PTPRD: variants seen among roughly 807,000 people sequenced by gnomAD.
PTPRD encodes receptor-type tyrosine-protein phosphatase delta.
PTPRD carries 34 observed loss-of-function variants against 214.5 expected under a neutral mutation model. That is an observed-to-expected ratio of 0.16 (90% confidence interval 0.12 to 0.21). The LOEUF (loss-of-function observed/expected upper bound fraction) is 0.21. Among genes scored for constraint, PTPRD ranks in the 10% least tolerant of loss-of-function variants. PTPRD has a pLI of 1.00. For missense variants in PTPRD, 2,545 were observed against 2,398.7 expected (o/e 1.06, Z -1.27); for synonymous variants, 1,128 against 845.7 (o/e 1.33, Z -5.79).
chr9:8,558,775 T>TGACACC (rs1236925988), intron 14 of PTPRD, among the ~76,000 whole-genome samples: 1 of 152,210 alleles, frequency 6.6e-6, no homozygotes, highest in Non-Finnish European at 1.5e-5. Context: ...ACATCCTTTA[T>TGACACC]GACACCTTAT....
In PTPRD at chr9:8,471,024, C is replaced by G. The variant is rs973915971; in HGVS notation, c.3475G>C (p.Glu1159Gln). Residue 1159 changes from glutamate (E) to glutamine (Q), a missense_variant, in exon 31 of 46, where the codon GAG becomes CAG. Coordinates refer to ENST00000381196, the MANE Select transcript of PTPRD (RefSeq NM_002839.4). ...KSRGKFIKPWESPDEMELDEL... is the reference protein window; with the variant it reads ...KSRGKFIKPWQSPDEMELDEL... Reference sequence around the variant, plus strand: ...TCTAATTCCATTTCATCTGGACTCTCCCATGGCTTGATAAATTTCCCGCGA... The same window carrying G: ...TCTAATTCCATTTCATCTGGACTCTGCCATGGCTTGATAAATTTCCCGCGA... 1.1e-5 allele frequency: 17 copies of G among 1,613,230 alleles called. No homozygotes were observed. The highest frequency in any genetic ancestry group is 1.7e-5 in the Admixed American group (1 of 59,956).
chr9:9,488,126 C>T (rs2095736154), intron 8 of PTPRD, among the ~76,000 whole-genome samples: 1 of 152,114 alleles, frequency 6.6e-6, no homozygotes, highest in South Asian at 2.1e-4. Context: ...AATGTAGTAT[C>T]TGTCTGATGT....
intron 4 of PTPRD, among the ~76,000 whole-genome samples, chr9:10,013,119 G>T (rs565800418): frequency 6.6e-6 from 1 of 151,964 alleles, no homozygotes; most frequent in East Asian, 1.9e-4. Flanking sequence ...TTTCTACCAT[G>T]TTATGTTGTG....
intron 3 of PTPRD, among the ~76,000 whole-genome samples, chr9:10,252,126 G>A (rs939440345): frequency 6.6e-6 from 1 of 151,898 alleles, no homozygotes; most frequent in African/African-American, 2.4e-5. Context: ...TGTCAATTAA[G>A]AATAAAAATA....
chr9:8,528,915 G>A (rs1466410496), intron 14 of PTPRD, 136 bp from the exon 15 acceptor site: 1 of 776,568 alleles, frequency 1.3e-6, no homozygotes, highest in South Asian at 1.8e-5. Flanking sequence ...TAATAAATTA[G>A]AACACAGTCA....
rs559967241 is a variant in PTPRD, at chr9:9,664,415, T to C, written c.-287+70118A>G. Among the ~76,000 whole-genome samples the C allele has an allele frequency of 2.5e-3, 386 of 151,794 alleles. 2 individuals are homozygous for C. The highest frequency in any genetic ancestry group is 8.7e-3 in the African/African-American group (362 of 41,522). ...TCTTCTCATACATTAACTACATTTATGAACTATGCTAGAATTCAATGGTCG... is the reference window on the plus strand; with the variant it reads ...TCTTCTCATACATTAACTACATTTACGAACTATGCTAGAATTCAATGGTCG... On this transcript the variant is annotated intron_variant, in intron 7 of 45. Coordinates refer to ENST00000381196, the MANE Select transcript of PTPRD (RefSeq NM_002839.4).
At chr9:10,306,539 A>G (rs1214787558) in intron 3 of PTPRD, among the ~76,000 whole-genome samples, 2 of 152,102 alleles carry the variant, frequency 1.3e-5, no homozygotes, top group Admixed American at 1.3e-4. Context: ...GCGATACAAT[A>G]TATAGAAACT....
intron 3 of PTPRD, among the ~76,000 whole-genome samples, chr9:10,157,634 G>A (rs2099101724): frequency 6.6e-6 from 1 of 152,038 alleles, no homozygotes; most frequent in Admixed American, 6.6e-5. Context: ...TTCTTGTGAA[G>A]TATCTTACTG....
intron 3 of PTPRD, among the ~76,000 whole-genome samples, chr9:10,160,574 A>G (rs1261202112): frequency 3.9e-5 from 6 of 151,950 alleles, no homozygotes; most frequent in African/African-American, 1.4e-4. Context: ...GAAAAAACAT[A>G]CCTCATGAAA....
chr9:9,207,633 G>T (rs914422170), intron 9 of PTPRD, among the ~76,000 whole-genome samples: 4 of 152,176 alleles, frequency 2.6e-5, no homozygotes, highest in Non-Finnish European at 5.9e-5. Context: ...AATTACTACA[G>T]AGGATAATTT....
At chr9:8,546,382 T>A (rs565495070) in intron 14 of PTPRD, among the ~76,000 whole-genome samples, 1 of 152,254 alleles carries the variant, frequency 6.6e-6, no homozygotes, top group African/African-American at 2.4e-5. Flanking sequence ...AAATTAAACA[T>A]GCATATGATG....
intron 5 of PTPRD, among the ~76,000 whole-genome samples, chr9:9,823,466 T>C (rs1003537931): frequency 2.0e-5 from 3 of 152,064 alleles, no homozygotes; most frequent in South Asian, 2.1e-4. Context: ...ATCTCCAGCA[T>C]TGGGGATTAC....
At chr9:8,429,416 A>G (rs1428117919) in intron 35 of PTPRD, among the ~76,000 whole-genome samples, 3 of 152,132 alleles carry the variant, frequency 2.0e-5, no homozygotes, top group Non-Finnish European at 2.9e-5. Context: ...TCTAAATATT[A>G]AAAAACATGA....
At chr9:8,373,787 G>T (rs1448520884) in intron 39 of PTPRD, among the ~76,000 whole-genome samples, 1 of 151,302 alleles carries the variant, frequency 6.6e-6, no homozygotes, top group Admixed American at 6.6e-5. Context: ...TACAGAGGGT[G>T]AAATGCATTT....
At chr9:9,314,537 G>A (rs1569567293) in intron 9 of PTPRD, among the ~76,000 whole-genome samples, 1 of 152,032 alleles carries the variant, frequency 6.6e-6, no homozygotes, top group Non-Finnish European at 1.5e-5. Flanking sequence ...GTTATCAAAT[G>A]AATATAGAGT....
At chr9:10,491,797 G>A (rs2040358683) in intron 2 of PTPRD, among the ~76,000 whole-genome samples, 1 of 151,740 alleles carries the variant, frequency 6.6e-6, no homozygotes, top group African/African-American at 2.4e-5. Flanking sequence ...ATGTGCCATG[G>A]TGGTTTGCTG....
intron 8 of PTPRD, among the ~76,000 whole-genome samples, chr9:9,571,289 A>G (rs555070532): frequency 6.6e-6 from 1 of 151,386 alleles, no homozygotes; most frequent in South Asian, 2.1e-4. Context: ...AAAACAAACA[A>G]AAAAAGATAT....
At chr9:8,966,798 C>G (rs1349919448) in intron 11 of PTPRD, among the ~76,000 whole-genome samples, 1 of 152,004 alleles carries the variant, frequency 6.6e-6, no homozygotes, top group African/African-American at 2.4e-5. Context: ...GCAAAAGAAA[C>G]TATCAACAGA....
chr9:9,722,136 A>G (rs1030341707), intron 7 of PTPRD, among the ~76,000 whole-genome samples: 1 of 152,014 alleles, frequency 6.6e-6, no homozygotes, highest in African/African-American at 2.4e-5. Flanking sequence ...ACAATTCAGC[A>G]GTTTTTTTGT....
Sources: gnomAD v4.1 joint callset for allele counts (sites outside exome capture counted in the v4.1 genomes callset) on GRCh38, gnomAD v4.1.1 for gene constraint, MANE v1.5 for transcripts, NCBI Gene and HGNC (gene_info 2026-07-23, HGNC 2026-07-21) for gene names.